Variants in MRPS5 observed in about 807,000 individuals in gnomAD.
MRPS5 encodes the protein small ribosomal subunit protein uS5m.
MRPS5 carries 27 observed loss-of-function variants against 51.9 expected under a neutral mutation model. That is an observed-to-expected ratio of 0.52 (90% CI 0.38 to 0.72). MRPS5 has a LOEUF of 0.72. Ranked by LOEUF, MRPS5 falls within the 30% of genes least tolerant of loss-of-function variation. The probability of loss-of-function intolerance (pLI) is 0.00; values close to 1 mark genes in which losing one functional copy is unlikely to be tolerated. For synonymous variants in MRPS5, 196 were observed against 193.2 expected, an observed-to-expected ratio of 1.01 and a Z score of -0.12; for missense variants, 570 against 545.7, an observed-to-expected ratio of 1.04 and a Z score of -0.44.
chr2:95,115,334 G>A (rs1429224011), intron 2 of MRPS5, 131 bp from the exon 3 acceptor site: 1 of 899,602 alleles, frequency 1.1e-6, no homozygotes, highest in Non-Finnish European at 1.6e-6. Context: ...AGATTTTTAG[G>A]AGTCTTTCTT....
intron 7 of MRPS5, 78 bp downstream of exon 7, chr2:95,104,562 A>C (rs1321243771): frequency 6.8e-7 from 1 of 1,478,068 alleles, no homozygotes. Context: ...GCATGAGCCC[A>C]TGGGCTCCAC....
At chr2:95,088,840 G>C (rs1021875208) in intron 11 of MRPS5, among the ~76,000 whole-genome samples, 25 of 152,216 alleles carry the variant, frequency 1.6e-4, no homozygotes, top group African/African-American at 5.8e-4. Context: ...AGGCCAAGGC[G>C]GGTGGATCAC....
chr2:95,098,769 G>A (rs1406645208), intron 10 of MRPS5, among the ~76,000 whole-genome samples: 5 of 151,832 alleles, frequency 3.3e-5, no homozygotes, highest in African/African-American at 4.8e-5. Context: ...GCAAACCAGC[G>A]TGACACATGG....
intron 6 of MRPS5, among the ~76,000 whole-genome samples, chr2:95,105,308 G>A (rs757424300): frequency 2.6e-5 from 4 of 152,140 alleles, no homozygotes; most frequent in Non-Finnish European, 4.4e-5. Flanking sequence ...CCAGCACTTC[G>A]GGAGGCCGAC....
chr2:95,099,391 T>A (rs1034138455), intron 10 of MRPS5, among the ~76,000 whole-genome samples: 40 of 152,150 alleles, frequency 2.6e-4, no homozygotes, highest in Non-Finnish European at 4.0e-4. Context: ...AAGTTTTTTT[T>A]AAAAAGTTTA....
intron 1 of MRPS5, among the ~76,000 whole-genome samples, chr2:95,120,113 A>G (rs747858467): frequency 6.6e-6 from 1 of 152,260 alleles, no homozygotes; most frequent in African/African-American, 2.4e-5. Flanking sequence ...TCCTAAGTAT[A>G]TACCCAACAG....
chr2:95,107,550 C>A (rs191728993), intron 5 of MRPS5, among the ~76,000 whole-genome samples: 2 of 152,284 alleles, frequency 1.3e-5, no homozygotes, highest in East Asian at 3.9e-4. Context: ...TAAGCATGTT[C>A]TTTGGAATCT....
chr2:95,120,927 G>A (rs1396907238), intron 1 of MRPS5, among the ~76,000 whole-genome samples: 3 of 152,080 alleles, frequency 2.0e-5, no homozygotes, highest in South Asian at 2.1e-4. Flanking sequence ...AGACCAGTAC[G>A]ACCAACATGG....
At chr2:95,119,598 C>CA (rs1342297312) in intron 1 of MRPS5, among the ~76,000 whole-genome samples, 1 of 136,782 alleles carries the variant, frequency 7.3e-6, no homozygotes, top group Non-Finnish European at 1.6e-5. Flanking sequence ...GGCAATGGGA[C>CA]AAGACCCTGT....
intron 4 of MRPS5, 107 bp from the exon 5 acceptor site, chr2:95,108,515 G>A (rs180939367): frequency 1.1e-6 from 1 of 896,758 alleles, no homozygotes; most frequent in East Asian, 2.7e-5. Context: ...CTGTTCACTG[G>A]AGCTTAAGCT....
At chr2:95,092,441 C>G (rs1439476576) in intron 10 of MRPS5, 1 of 152,178 alleles carries the variant, frequency 6.6e-6, no homozygotes, top group Non-Finnish European at 1.5e-5. Context: ...CATCTGGCAT[C>G]CTTTTTGGAG....
chr2:95,102,725 A>G (rs1282901970), intron 7 of MRPS5, among the ~76,000 whole-genome samples: 2 of 152,180 alleles, frequency 1.3e-5, no homozygotes, highest in Non-Finnish European at 2.9e-5. Context: ...TAAAACCATG[A>G]TTTCAATGGA....
chr2:95,092,529 T>C (rs1249921399), intron 10 of MRPS5: 1 of 152,240 alleles, frequency 6.6e-6, no homozygotes, highest in African/African-American at 2.4e-5. Flanking sequence ...TACACGTATG[T>C]ACAAAATGTC....
chr2:95,117,799 AAAACTACAG>A (rs1300342919), intron 2 of MRPS5, 57 bp downstream of exon 2: 60 of 1,346,096 alleles, frequency 4.5e-5, no homozygotes, highest in Admixed American at 7.1e-5. Context: ...TATATTTTTT[AAAACTACAG>A]AAACTACTTT....
intron 3 of MRPS5, among the ~76,000 whole-genome samples, chr2:95,112,157 C>A (rs753707125): frequency 6.6e-6 from 1 of 152,076 alleles, no homozygotes; most frequent in Non-Finnish European, 1.5e-5. Flanking sequence ...CTCCGCCTCC[C>A]GGGTTCAAGA....
chr2:95,101,598 T>C, intron 8 of MRPS5, 79 bp downstream of exon 8: 1 of 1,134,560 alleles, frequency 8.8e-7, no homozygotes, highest in Non-Finnish European at 1.3e-6. Context: ...ATTATTATTG[T>C]TTTGTGGTTC....
rs972747635 is a variant in MRPS5 at position 95,086,177 on chromosome 2, C to T, written c.*1180G>A. Among the ~76,000 whole-genome samples, 3 of 152,154 alleles carry T rather than the reference C, an allele frequency of 2.0e-5. No homozygotes were observed. Among genetic ancestry groups the T allele is most frequent in the Middle Eastern group, 3.2e-3 (1 of 316 alleles). ...TGAAGCAATCCTCCTGCCTCACCTT[C>T]ACAAAGTGCTGGGGTTATAGGCGTG... On this transcript the variant is annotated 3_prime_UTR_variant, in exon 12 of 12. Transcript: ENST00000272418.
chr2:95,087,487 C>CG lies in MRPS5; in HGVS notation c.1162dup (p.Arg388ProfsTer13), dbSNP rs1182609289. On this transcript the variant is annotated frameshift_variant, in exon 12 of 12. Coordinates refer to ENST00000272418, the MANE Select transcript of MRPS5 (RefSeq NM_031902.5). LOFTEE classifies it high-confidence loss of function. Reference sequence around the variant, plus strand: ...CTCTGGATCCTTCCTCAAGGGCCCCCGGGGGGACGCAACCACAATGGGCAG... The same window carrying CG: ...CTCTGGATCCTTCCTCAAGGGCCCCCGGGGGGGACGCAACCACAATGGGCAG... 8 of 1,614,024 alleles carry CG rather than the reference C, an allele frequency of 5.0e-6. No homozygotes were observed. Among genetic ancestry groups the CG allele is most frequent in the East Asian group, 4.5e-5 (2 of 44,872 alleles).
intron 11 of MRPS5, among the ~76,000 whole-genome samples, chr2:95,088,935 CACGTGCCTGTAGTCCCAGCT>C (rs1675379228): frequency 6.6e-6 from 1 of 152,114 alleles, no homozygotes; most frequent in Non-Finnish European, 1.5e-5. Context: ...GGCATGGTGG[CACGTGCCTGTAGTCCCAGCT>C]ACTCAGGAGG....
Sources: gnomAD v4.1 joint callset for allele counts (sites outside exome capture counted in the v4.1 genomes callset) on GRCh38, gnomAD v4.1.1 for gene constraint, MANE v1.5 for transcripts, NCBI Gene and HGNC (gene_info 2026-07-23, HGNC 2026-07-21) for gene names.